The following TMEM131L variants were observed in gnomAD, a reference collection of about 807,000 sequenced individuals.
The protein encoded by TMEM131L is transmembrane protein 131-like.
TMEM131L carries 54 observed loss-of-function variants against 192.2 expected under a neutral mutation model. The observed-to-expected ratio is 0.28, with a 90% CI of 0.23 to 0.35. The LOEUF (loss-of-function observed/expected upper bound fraction) is 0.35, where lower values mean the gene tolerates loss of function less well. Among genes scored for constraint, TMEM131L ranks in the 10% least tolerant of loss-of-function variants. The pLI, the probability that TMEM131L is intolerant of heterozygous loss-of-function variation, is 1.00. For missense variants in TMEM131L, 1,888 were observed against 1,972.9 expected, an observed-to-expected ratio of 0.96 and a Z score of 0.82; for synonymous variants, 701 against 704.9, an observed-to-expected ratio of 0.99 and a Z score of 0.09.
intron 2 of TMEM131L, among the ~76,000 whole-genome samples, chr4:153,469,455 T>C (rs1428019961): frequency 6.6e-6 from 1 of 152,222 alleles, no homozygotes; most frequent in Non-Finnish European, 1.5e-5. Flanking sequence ...TTCCCTCATA[T>C]GTGTCAAACG....
At chr4:153,478,948 TAAG>T (rs1248499830) in intron 3 of TMEM131L, among the ~76,000 whole-genome samples, 2 of 152,210 alleles carry the variant, frequency 1.3e-5, no homozygotes, top group African/African-American at 4.8e-5. Flanking sequence ...CATTGTCTCT[TAAG>T]AACCCATACA....
intron 3 of TMEM131L, among the ~76,000 whole-genome samples, chr4:153,481,399 A>G (rs183910447): frequency 6.6e-6 from 1 of 152,190 alleles, no homozygotes; most frequent in Non-Finnish European, 1.5e-5. Flanking sequence ...AAGGAATGCA[A>G]GCTCATGCTT....
chr4:153,630,112 C>A (rs181646053), intron 31 of TMEM131L, among the ~76,000 whole-genome samples: 1 of 152,306 alleles, frequency 6.6e-6, no homozygotes, highest in East Asian at 1.9e-4. Context: ...GCACAGAAAC[C>A]TGAAAGACCC....
Position 153,557,028 on chromosome 4 carries a change from C to A in TMEM131L, c.495C>A (p.Ser165Arg). The change falls in exon 6 of 35, where the codon AGC becomes AGA. Residue 165 changes from serine (S) to arginine (R), a missense_variant. Coordinates refer to ENST00000409959, the MANE Select transcript of TMEM131L (RefSeq NM_001131007.2). ...RIIFLPTEEGSIESSLFINTS... is the reference protein window; with the variant it reads ...RIIFLPTEEGRIESSLFINTS... ...TTTTCTTACCTACTGAAGAAGGAAG[C>A]ATTGAAAGTTCCTTATTTATTAATA... 1 of 1,598,422 alleles carries A rather than the reference C, an allele frequency of 6.3e-7. No individual in the cohort carries two copies.
chr4:153,486,091 C>T lies in TMEM131L; in HGVS notation c.239+12203C>T, dbSNP rs574663319. 4.4e-4 allele frequency among the ~76,000 whole-genome samples: 67 copies of T among 152,118 alleles called. 1 individual carries two copies. The highest frequency in any genetic ancestry group is 1.4e-3 in the African/African-American group (57 of 41,472). Reference sequence around the variant, plus strand: ...CGAAGGAGACTAAGTCCGAGATTAACGGATGGAAGCAACTGAATACTTTCT... The same window carrying T: ...CGAAGGAGACTAAGTCCGAGATTAATGGATGGAAGCAACTGAATACTTTCT... On this transcript the variant is annotated intron_variant, in intron 3 of 34. Transcript: ENST00000409959.
chr4:153,482,886 C>T lies in TMEM131L; in HGVS notation c.239+8998C>T, dbSNP rs551099346. On this transcript the variant is annotated intron_variant, in intron 3 of 34. Transcript: ENST00000409959. Reference sequence around the variant, plus strand: ...CATTACAGGCGTGAGCCATCGTGTCCAGTCCCTAAAAACACTTTTGGTTCC... The same window carrying T: ...CATTACAGGCGTGAGCCATCGTGTCTAGTCCCTAAAAACACTTTTGGTTCC... 6.2e-4 allele frequency among the ~76,000 whole-genome samples: 94 copies of T among 152,244 alleles called. 1 individual carries two copies. The highest frequency in any genetic ancestry group is 2.1e-3 in the African/African-American group (87 of 41,532).
At chr4:153,574,345 T>G (rs1047890667) in intron 7 of TMEM131L, among the ~76,000 whole-genome samples, 2 of 152,184 alleles carry the variant, frequency 1.3e-5, no homozygotes, top group Non-Finnish European at 2.9e-5. Context: ...TGAAACACAA[T>G]TGCTATTTAA....
At chr4:153,546,900 G>A (rs1004364515) in intron 3 of TMEM131L, among the ~76,000 whole-genome samples, 3 of 152,160 alleles carry the variant, frequency 2.0e-5, no homozygotes, top group African/African-American at 4.8e-5. Context: ...GCGCTCCAAC[G>A]TGGGCAACAA....
At chr4:153,521,717 C>T (rs923090418) in intron 3 of TMEM131L, among the ~76,000 whole-genome samples, 1 of 152,126 alleles carries the variant, frequency 6.6e-6, no homozygotes, top group African/African-American at 2.4e-5. Flanking sequence ...AGCACCCACC[C>T]TTTTACTTCC....
chr4:153,498,937 A>G (rs1290348666), intron 3 of TMEM131L, among the ~76,000 whole-genome samples: 4 of 152,232 alleles, frequency 2.6e-5, no homozygotes, highest in South Asian at 4.1e-4. Context: ...ACACTGCACA[A>G]TGTAGCCAAT....
intron 3 of TMEM131L, among the ~76,000 whole-genome samples, chr4:153,483,281 A>G (rs572102940): frequency 1.3e-5 from 2 of 152,248 alleles, no homozygotes; most frequent in African/African-American, 2.4e-5. Context: ...TTCATTCCAT[A>G]TGCCACTCAG....
intron 31 of TMEM131L, 142 bp downstream of exon 31, chr4:153,627,829 C>A: frequency 6.1e-6 from 4 of 654,294 alleles, no homozygotes; most frequent in Non-Finnish European, 1.1e-5. Flanking sequence ...GCCACACGTT[C>A]ATACATCAGG....
intron 25 of TMEM131L, among the ~76,000 whole-genome samples, chr4:153,608,698 A>G (rs1182805596): frequency 6.6e-6 from 1 of 152,252 alleles, no homozygotes; most frequent in East Asian, 1.9e-4. Flanking sequence ...CTATTTACTT[A>G]CAGATACTAT....
intron 19 of TMEM131L, among the ~76,000 whole-genome samples, chr4:153,594,756 G>T (rs1468910769): frequency 6.6e-6 from 1 of 152,158 alleles, no homozygotes; most frequent in East Asian, 1.9e-4. Flanking sequence ...CTTAAGTGTT[G>T]AGGCAGCACT....
At position 153,604,032 on chromosome 4, in the gene TMEM131L, C is replaced by T; in HGVS notation, c.3020C>T (p.Thr1007Ile). Residue 1007 changes from threonine (T) to isoleucine (I), a missense_variant, in exon 25 of 35, where the codon ACT becomes ATT. Physicochemically the swap from Thr to Ile is moderately conservative, Grantham distance 89. Coordinates refer to ENST00000409959, the MANE Select transcript of TMEM131L (RefSeq NM_001131007.2). ...AGCACGACTACTGAGGAAAAACAGA[C>T]TTCACCCCTGGGCAGCTCACTGCCT... ...STSTTTEEKQ[T>I]SPLGSSLPAA... 1.9e-6 allele frequency: 3 copies of T among 1,614,168 alleles called. No homozygotes were observed. The highest frequency in any genetic ancestry group is 1.7e-6 in the Non-Finnish European group (2 of 1,180,026).
intron 7 of TMEM131L, among the ~76,000 whole-genome samples, chr4:153,560,091 G>A (rs918613249): frequency 4.6e-5 from 7 of 152,024 alleles, no homozygotes; most frequent in African/African-American, 1.2e-4. Context: ...GGACTTTTGC[G>A]TCTCTCCCCA....
At chr4:153,562,768 A>C (rs1487664424) in intron 7 of TMEM131L, among the ~76,000 whole-genome samples, 1 of 152,210 alleles carries the variant, frequency 6.6e-6, no homozygotes, top group Non-Finnish European at 1.5e-5. Context: ...GCTTTTCTTT[A>C]ACTTGTTCCC....
intron 31 of TMEM131L, among the ~76,000 whole-genome samples, chr4:153,629,098 T>C (rs747271460): frequency 6.6e-6 from 1 of 152,204 alleles, no homozygotes; most frequent in African/African-American, 2.4e-5. Context: ...CACCTGCTCC[T>C]GTGCAGGCAA....
rs558700760 is a variant in TMEM131L, at chr4:153,497,008, G to A, written c.239+23120G>A. ...CCCTAGTAGCTGGGACTACAGGTGC[G>A]TGCCCTCATGCCCAGCTAGTTTTTG... On this transcript the variant is annotated intron_variant, in intron 3 of 34. Transcript: ENST00000409959. Among the ~76,000 whole-genome samples the A allele has an allele frequency of 2.5e-4, 38 of 152,088 alleles. No homozygotes were observed. In the East Asian group the frequency reaches 3.3e-3, roughly 13 times the overall value.
Sources: allele counts gnomAD v4.1 joint callset (sites outside exome capture counted in the v4.1 genomes callset), GRCh38; gene constraint gnomAD v4.1.1; transcripts MANE v1.5; gene names NCBI Gene and HGNC (gene_info 2026-07-23, HGNC 2026-07-21).